The following PALM2AKAP2 variants were observed in gnomAD, a reference collection of about 807,000 sequenced individuals.
PALM2AKAP2 encodes the protein PALM2 and AKAP2 fusion, also known as PALM2-AKAP2 fusion protein.
Under a neutral mutation model 71.5 loss-of-function variants are expected in PALM2AKAP2, and 37 were observed. The ratio of observed to expected loss-of-function variants is 0.52; its 90% confidence interval spans 0.40 to 0.68. PALM2AKAP2 has a LOEUF of 0.68. PALM2AKAP2 is among the 30% of genes least tolerant of loss of function. PALM2AKAP2 has a pLI of 0.00. For missense variants in PALM2AKAP2, 1,224 were observed against 1,191.8 expected (o/e 1.03, Z -0.40); for synonymous variants, 468 against 478.8 (o/e 0.98, Z 0.29).
At chr9:109,910,532 G>A (rs1830544542) in intron 3 of PALM2AKAP2, among the ~76,000 whole-genome samples, 2 of 152,224 alleles carry the variant, frequency 1.3e-5, no homozygotes, top group Non-Finnish European at 2.9e-5. Flanking sequence ...GTGCCCATAT[G>A]GAGAACATGG....
chr9:110,153,768 C>T (rs1020620443), intron 2 of PALM2AKAP2, among the ~76,000 whole-genome samples: 1 of 152,234 alleles, frequency 6.6e-6, no homozygotes. Context: ...AACATACCCC[C>T]CTGTCCTCAG....
intron 1 of PALM2AKAP2, among the ~76,000 whole-genome samples, chr9:110,053,476 C>T (rs756350979): frequency 6.6e-5 from 9 of 137,042 alleles, no homozygotes; most frequent in Admixed American, 4.2e-4. Flanking sequence ...TGCAGTGAGC[C>T]GAGATGGAGC....
At chr9:109,753,023 C>A (rs1828907273) in intron 1 of PALM2AKAP2, among the ~76,000 whole-genome samples, 1 of 152,124 alleles carries the variant, frequency 6.6e-6, no homozygotes, top group South Asian at 2.1e-4. Context: ...AAGTTCACTC[C>A]ATTTCAATCC....
At chr9:109,980,884 A>G (rs1832256739) in intron 6 of PALM2AKAP2, among the ~76,000 whole-genome samples, 1 of 152,216 alleles carries the variant, frequency 6.6e-6, no homozygotes, top group South Asian at 2.1e-4. Flanking sequence ...ACAGAACCAT[A>G]TAGTGGTTAA....
chr9:109,835,908 C>T (rs1341889362), intron 1 of PALM2AKAP2, among the ~76,000 whole-genome samples: 5 of 152,216 alleles, frequency 3.3e-5, no homozygotes, highest in Non-Finnish European at 7.3e-5. Context: ...GAGCCCACCG[C>T]AGCTCAAGGA....
intron 3 of PALM2AKAP2, among the ~76,000 whole-genome samples, chr9:110,166,438 T>C (rs1165660739): frequency 1.3e-5 from 2 of 152,166 alleles, no homozygotes. Flanking sequence ...AAACTGGAAA[T>C]AGAGCCCAAG....
chr9:110,070,254 G>A (rs1363583773), intron 1 of PALM2AKAP2, among the ~76,000 whole-genome samples: 1 of 152,200 alleles, frequency 6.6e-6, no homozygotes, highest in African/African-American at 2.4e-5. Context: ...CTACGGGAAT[G>A]GTTCAAGGTC....
intron 1 of PALM2AKAP2, among the ~76,000 whole-genome samples, chr9:109,773,051 G>A (rs1002293367): frequency 1.3e-5 from 2 of 152,176 alleles, no homozygotes; most frequent in Non-Finnish European, 2.9e-5. Flanking sequence ...CTGGAAGGCA[G>A]AGCTTGCAGT....
At chr9:109,745,736 A>G (rs1828790468) in intron 1 of PALM2AKAP2, among the ~76,000 whole-genome samples, 1 of 152,204 alleles carries the variant, frequency 6.6e-6, no homozygotes, top group African/African-American at 2.4e-5. Context: ...CTTTCCTCAC[A>G]TGAGCACGCA....
At chr9:109,978,224 T>C (rs1345591978) in intron 6 of PALM2AKAP2, among the ~76,000 whole-genome samples, 1 of 152,080 alleles carries the variant, frequency 6.6e-6, no homozygotes, top group African/African-American at 2.4e-5. Flanking sequence ...GAACTCACAG[T>C]CTAGAAAGGC....
rs111436409 is a variant in PALM2AKAP2 at position 110,053,643 on chromosome 9, C to T, written c.156+4788C>T. ...ACAGTTTCAGAGTGCCCCGCATAGG[C>T]CGTGCAACTGGAGAAGGTGCCCTGT... On this transcript the variant is annotated intron_variant, in intron 1 of 3. Coordinates refer to ENST00000374525, the Ensembl canonical transcript of PALM2AKAP2. Among the ~76,000 whole-genome samples the T allele has an allele frequency of 3.7e-3, 563 of 152,176 alleles. 5 individuals are homozygous for T. The highest frequency in any genetic ancestry group is 0.013 in the African/African-American group (544 of 41,512).
chr9:109,866,754 C>T (rs941357170), intron 1 of PALM2AKAP2, among the ~76,000 whole-genome samples: 1 of 152,128 alleles, frequency 6.6e-6, no homozygotes, highest in Non-Finnish European at 1.5e-5. Flanking sequence ...TTATTATCTC[C>T]ACTTTATGTA....
intron 1 of PALM2AKAP2, among the ~76,000 whole-genome samples, chr9:109,819,603 C>T (rs1587933490): frequency 6.6e-6 from 1 of 151,436 alleles, no homozygotes; most frequent in Non-Finnish European, 1.5e-5. Context: ...TGCAAGACAA[C>T]ACACATTTCA....
chr9:109,699,604 T>C (rs1176579816), intron 1 of PALM2AKAP2, among the ~76,000 whole-genome samples: 2 of 152,160 alleles, frequency 1.3e-5, no homozygotes, highest in Non-Finnish European at 2.9e-5. Flanking sequence ...AGTATATTAT[T>C]AAGTGAAGAA....
At chr9:109,891,447 A>G (rs755190708) in intron 3 of PALM2AKAP2, among the ~76,000 whole-genome samples, 8 of 152,084 alleles carry the variant, frequency 5.3e-5, no homozygotes, top group Non-Finnish European at 7.4e-5. Context: ...GAAGACTTTT[A>G]CAGGTCGCAG....
chr9:109,942,225 T>C (rs1831387019), intron 6 of PALM2AKAP2, among the ~76,000 whole-genome samples: 1 of 152,232 alleles, frequency 6.6e-6, no homozygotes, highest in South Asian at 2.1e-4. Context: ...ATGAAAACCT[T>C]TGTGGAAATG....
intron 7 of PALM2AKAP2, among the ~76,000 whole-genome samples, chr9:110,021,569 T>A (rs565462466): frequency 2.4e-4 from 36 of 152,224 alleles, no homozygotes; most frequent in Non-Finnish European, 5.0e-4. Flanking sequence ...TTTCTTATTT[T>A]ACTCTACTTA....
intron 1 of PALM2AKAP2, among the ~76,000 whole-genome samples, chr9:109,838,897 C>A (rs1015540513): frequency 1.3e-5 from 2 of 152,102 alleles, no homozygotes; most frequent in East Asian, 3.9e-4. Flanking sequence ...TAATTAATAG[C>A]CTACCAACCA....
At chr9:109,876,471 GT>G (rs1381493962) in intron 2 of PALM2AKAP2, among the ~76,000 whole-genome samples, 2 of 151,858 alleles carry the variant, frequency 1.3e-5, no homozygotes, top group Non-Finnish European at 2.9e-5. Context: ...GCCTTTTCCA[GT>G]TTTTTTTCTT....
Sources: allele counts gnomAD v4.1 joint callset (sites outside exome capture counted in the v4.1 genomes callset), GRCh38; gene constraint gnomAD v4.1.1; transcripts MANE v1.5; gene names NCBI Gene and HGNC (gene_info 2026-07-23, HGNC 2026-07-21).